Variants in KCNJ6 observed in about 807,000 individuals in gnomAD.
The protein encoded by KCNJ6 is potassium inwardly rectifying channel subfamily J member 6.
Under a neutral mutation model 34.2 loss-of-function variants are expected in KCNJ6, and 9 were observed. The observed-to-expected ratio is 0.26, with a 90% CI of 0.16 to 0.46. KCNJ6 has a LOEUF of 0.46. Among genes scored for constraint, KCNJ6 ranks in the 20% least tolerant of loss-of-function variants. KCNJ6 has a pLI of 1.00. For missense variants in KCNJ6, 236 were observed against 531.3 expected, an observed-to-expected ratio of 0.44 and a Z score of 5.46; for synonymous variants, 196 against 207.1, an observed-to-expected ratio of 0.95 and a Z score of 0.46.
intron 2 of KCNJ6, among the ~76,000 whole-genome samples, chr21:37,744,159 T>A (rs1254636020): frequency 1.0e-5 from 1 of 98,278 alleles, no homozygotes; most frequent in African/African-American, 4.0e-5. Flanking sequence ...CCGGGGACTG[T>A]TGTGGGGTGG....
chr21:37,759,330 G>A (rs1232730512), intron 2 of KCNJ6, among the ~76,000 whole-genome samples: 4 of 152,160 alleles, frequency 2.6e-5, no homozygotes, highest in East Asian at 1.9e-4. Context: ...AATGAATGGC[G>A]GGACTGCACT....
chr21:37,853,300 T>C (rs989134064), intron 1 of KCNJ6, among the ~76,000 whole-genome samples: 3 of 152,104 alleles, frequency 2.0e-5, no homozygotes, highest in Non-Finnish European at 4.4e-5. Flanking sequence ...TAGTGCATTA[T>C]CAATAGGGAA....
chr21:37,880,782 T>C (rs949467375), intron 1 of KCNJ6, among the ~76,000 whole-genome samples: 2 of 152,256 alleles, frequency 1.3e-5, no homozygotes, highest in Admixed American at 6.5e-5. Flanking sequence ...TTTCCCAAGC[T>C]GGCTTGACAT....
At chr21:37,867,229 G>A (rs1420572072) in intron 1 of KCNJ6, among the ~76,000 whole-genome samples, 2 of 151,928 alleles carry the variant, frequency 1.3e-5, no homozygotes, top group Admixed American at 6.6e-5. Flanking sequence ...ATGATTTTAC[G>A]CTATTTAAAA....
At position 37,612,166 on chromosome 21, in the gene KCNJ6, T is replaced by A. The variant is rs1320874927; in HGVS notation, c.*12993A>T. 1 of 152,214 alleles carries A rather than the reference T, an allele frequency of 6.6e-6. No homozygotes were observed. The highest frequency in any genetic ancestry group is 2.4e-5 in the African/African-American group (1 of 41,458). The allele number at this position is 152,214 out of a possible 1,614,324, so 9.4% of individuals were successfully genotyped here. On this transcript the variant is annotated 3_prime_UTR_variant, in exon 4 of 4. Transcript: ENST00000609713. ...CTAATAAGGGATTATAGCAAGATTT[T>A]AGGATTCAAAGTTAATATACAAAGT... is the stretch of plus-strand genomic sequence containing the variant.
intron 2 of KCNJ6, among the ~76,000 whole-genome samples, chr21:37,773,006 G>A (rs2055124531): frequency 6.6e-6 from 1 of 152,196 alleles, no homozygotes; most frequent in African/African-American, 2.4e-5. Context: ...TTAGTGGGGA[G>A]ATCTATCTTT....
At chr21:37,634,761 ATT>A (rs66535658) in intron 3 of KCNJ6, among the ~76,000 whole-genome samples, 4,072 of 143,088 alleles carry the variant, frequency 0.028, 120 homozygotes, top group East Asian at 0.075. Context: ...CATACAAATC[ATT>A]TTTTTTTTTT....
At chr21:37,851,152 A>C (rs1323555316) in intron 1 of KCNJ6, among the ~76,000 whole-genome samples, 1 of 152,204 alleles carries the variant, frequency 6.6e-6, no homozygotes, top group East Asian at 1.9e-4. Flanking sequence ...CTCCTTCCCA[A>C]GCCAGGCCAC....
intron 2 of KCNJ6, among the ~76,000 whole-genome samples, chr21:37,818,853 C>T (rs1035420768): frequency 2.0e-5 from 3 of 152,074 alleles, no homozygotes; most frequent in African/African-American, 7.2e-5. Context: ...GCATTTCTGA[C>T]AGGAAGCAAA....
chr21:37,871,055 T>C (rs9984594), intron 1 of KCNJ6, among the ~76,000 whole-genome samples: 122,357 of 152,106 alleles, frequency 0.8, 49,841 homozygotes, highest in African/African-American at 0.92. Context: ...TCATTACCTT[T>C]TTTTTTCCTA....
intron 2 of KCNJ6, among the ~76,000 whole-genome samples, chr21:37,837,713 G>GTTT (rs5843868): frequency 1.4e-5 from 2 of 145,950 alleles, no homozygotes; most frequent in Admixed American, 6.8e-5. Context: ...GGTTCTGTCT[G>GTTT]TTTTTTTTTT....
intron 2 of KCNJ6, among the ~76,000 whole-genome samples, chr21:37,815,027 A>T (rs1315405157): frequency 6.6e-6 from 1 of 152,004 alleles, no homozygotes; most frequent in Non-Finnish European, 1.5e-5. Context: ...AAAGATAAAC[A>T]TCGCATGTTC....
intron 3 of KCNJ6, among the ~76,000 whole-genome samples, chr21:37,690,139 A>G (rs2054633239): frequency 6.6e-6 from 1 of 152,172 alleles, no homozygotes; most frequent in South Asian, 2.1e-4. Flanking sequence ...TTATTTCAAA[A>G]TATCTATATA....
At chr21:37,895,502 CT>C (rs904281264) in intron 1 of KCNJ6, among the ~76,000 whole-genome samples, 1 of 152,204 alleles carries the variant, frequency 6.6e-6, no homozygotes, top group African/African-American at 2.4e-5. Context: ...CATTTCTCTC[CT>C]TGACCCATCC....
At chr21:37,658,969 T>G (rs2054476281) in intron 3 of KCNJ6, among the ~76,000 whole-genome samples, 1 of 152,254 alleles carries the variant, frequency 6.6e-6, no homozygotes, top group African/African-American at 2.4e-5. Context: ...TTAATTTGTT[T>G]TCAGTGTTTA....
chr21:37,852,337 G>C (rs2055541793), intron 1 of KCNJ6, among the ~76,000 whole-genome samples: 2 of 152,188 alleles, frequency 1.3e-5, no homozygotes, highest in African/African-American at 4.8e-5. Context: ...TATTAGAGGA[G>C]GGCCAGTATA....
chr21:37,682,158 T>A (rs1246001695), intron 3 of KCNJ6, among the ~76,000 whole-genome samples: 2 of 152,174 alleles, frequency 1.3e-5, no homozygotes, highest in East Asian at 3.9e-4. Context: ...TACCACAAAC[T>A]TGGAGGCTTA....
intron 1 of KCNJ6, among the ~76,000 whole-genome samples, chr21:37,846,559 C>A (rs2055509163): frequency 6.6e-6 from 1 of 151,786 alleles, no homozygotes. Context: ...GGTGGTGCTG[C>A]CTTGCTTTCT....
In KCNJ6 at chr21:37,675,865, C is replaced by CGGGGGTGGGGGT. The variant is rs202060358; in HGVS notation, c.946+38334_946+38345dup. Among the ~76,000 whole-genome samples, 2 of 141,564 alleles carry CGGGGGTGGGGGT rather than the reference C, an allele frequency of 1.4e-5. No individual in the cohort carries two copies. The highest frequency in any genetic ancestry group is 3.1e-5 in the Non-Finnish European group (2 of 64,236). 92.9% of individuals were successfully genotyped at this position (141,564 alleles called of 152,430 possible). A position where few individuals can be genotyped will look rare whatever the true frequency, so the allele number is the denominator to read the frequency against. On this transcript the variant is annotated intron_variant, in intron 3 of 3. Transcript: ENST00000609713. This position sits in a 1 kb window ranked among gnomAD's most constrained non-coding sequence, Gnocchi z 4.2. ...CCCTGACCCCAACCCATGTCAATAG[C>CGGGGGTGGGGGT]GGGGGTGGGGGTGGGGGTGGGGGTG...
Sources: gnomAD v4.1 joint callset for allele counts (sites outside exome capture counted in the v4.1 genomes callset) on GRCh38, gnomAD v4.1.1 for gene constraint, Gnocchi (gnomAD v3.1) non-coding constraint, MANE v1.5 for transcripts, NCBI Gene and HGNC (gene_info 2026-07-23, HGNC 2026-07-21) for gene names.